The following ARHGAP24 variants were observed in gnomAD, a reference collection of about 807,000 sequenced individuals.
ARHGAP24 encodes the protein Rho GTPase activating protein 24.
Under a neutral mutation model 76.4 loss-of-function variants are expected in ARHGAP24, and 50 were observed. The ratio of observed to expected loss-of-function variants is 0.65; its 90% CI spans 0.52 to 0.83. ARHGAP24 has a LOEUF of 0.83. Ranked by LOEUF, ARHGAP24 falls within the 40% of genes least tolerant of loss-of-function variation. The probability of loss-of-function intolerance (pLI) is 0.00; values close to 1 mark genes in which losing one functional copy is unlikely to be tolerated. For missense variants in ARHGAP24, 930 were observed against 914.2 expected, an observed-to-expected ratio of 1.02 and a Z score of -0.22; for synonymous variants, 345 against 323.3, an observed-to-expected ratio of 1.07 and a Z score of -0.72.
chr4:85,911,631 G>C lies in ARHGAP24; in HGVS notation c.269-12017G>C, dbSNP rs986713858. On this transcript the variant is annotated intron_variant, in intron 3 of 9. Coordinates refer to ENST00000395184, the MANE Select transcript of ARHGAP24 (RefSeq NM_001025616.3). ...GGACAGTCACCATTTTTTAAGGTTT[G>C]GGAAGTCATTGAAGACTATTTTGAG... is the stretch of plus-strand genomic sequence containing the variant. 1.2e-4 allele frequency among the ~76,000 whole-genome samples: 19 copies of C among 152,104 alleles called. 1 individual carries two copies. The highest frequency in any genetic ancestry group is 2.6e-4 in the Admixed American group (4 of 15,272).
Position 85,894,617 on chromosome 4 carries a change from C to G in ARHGAP24, c.269-29031C>G, listed in dbSNP as rs1734037939. On this transcript the variant is annotated intron_variant, in intron 3 of 9. Coordinates refer to ENST00000395184, the MANE Select transcript of ARHGAP24 (RefSeq NM_001025616.3). ...GCTAATGAGCAAACCCCACATTATT[C>G]ATTAAAGTATTTAGCAGGATGAGGA... 2.0e-5 allele frequency among the ~76,000 whole-genome samples: 3 copies of G among 152,076 alleles called. No homozygotes were observed. The South Asian group carries it at 6.2e-4, about 32-fold the overall frequency.
intron 1 of ARHGAP24, among the ~76,000 whole-genome samples, chr4:85,568,843 A>T (rs1733349461): frequency 6.6e-6 from 1 of 152,226 alleles, no homozygotes; most frequent in Admixed American, 6.5e-5. Context: ...AAGTAGTTTA[A>T]GAGGTGAAGA....
intron 5 of ARHGAP24, among the ~76,000 whole-genome samples, chr4:85,967,589 T>C (rs1738698457): frequency 6.6e-6 from 1 of 152,154 alleles, no homozygotes; most frequent in Non-Finnish European, 1.5e-5. Context: ...AAGGGACATA[T>C]GCTACAAAGC....
intron 3 of ARHGAP24, among the ~76,000 whole-genome samples, chr4:85,899,333 C>A (rs1402374700): frequency 6.6e-6 from 1 of 152,192 alleles, no homozygotes; most frequent in African/African-American, 2.4e-5. Flanking sequence ...CCCTTGCAGA[C>A]AAGGTCAGTT....
chr4:85,743,392 C>CAAAAAAAA lies in ARHGAP24; in HGVS notation c.268+21454_268+21461dup, dbSNP rs774717006. On this transcript the variant is annotated intron_variant, in intron 3 of 9. Transcript: ENST00000395184. ...AAGACGCCAAGGCGGGATCCCATCT[C>CAAAAAAAA]AAAAAAAAAAAAAAAAAAAAAAAAA... Among the ~76,000 whole-genome samples the CAAAAAAAA allele has an allele frequency of 9.2e-5, 4 of 43,380 alleles. 1 individual carries two copies. The highest frequency in any genetic ancestry group is 4.0e-4 in the Admixed American group (1 of 2,478). 28.5% of individuals were successfully genotyped at this position (43,380 alleles called of 152,430 possible).
intron 3 of ARHGAP24, among the ~76,000 whole-genome samples, chr4:85,813,818 T>TTATATATATATATATATATATA (rs35261368): frequency 4.5e-4 from 62 of 137,128 alleles, no homozygotes; most frequent in African/African-American, 1.6e-3. Flanking sequence ...TATATTTATT[T>TTATATATATATATATATATATA]TATATATATA....
chr4:85,651,633 GT>G (rs1721947918), intron 2 of ARHGAP24, among the ~76,000 whole-genome samples: 1 of 148,430 alleles, frequency 6.7e-6, no homozygotes, highest in South Asian at 2.1e-4. Context: ...CTCACTTTTA[GT>G]CTTTACCCAA....
At chr4:85,789,165 T>A (rs73833879) in intron 3 of ARHGAP24, among the ~76,000 whole-genome samples, 3,097 of 150,634 alleles carry the variant, frequency 0.021, 109 homozygotes, top group African/African-American at 0.071. Context: ...AAGTCTGAGT[T>A]AATTACCCTT....
intron 3 of ARHGAP24, among the ~76,000 whole-genome samples, chr4:85,846,040 G>A (rs1730866070): frequency 1.3e-5 from 2 of 151,798 alleles, no homozygotes; most frequent in Non-Finnish European, 2.9e-5. Context: ...CAAGTAGCTG[G>A]GATTACAGGC....
rs116883083 is a variant in ARHGAP24 at position 85,653,098 on chromosome 4, A to G, written c.181-68787A>G. 6.0e-4 allele frequency among the ~76,000 whole-genome samples: 92 copies of G among 152,342 alleles called. 2 individuals carry two copies. In the East Asian group the frequency reaches 0.017, roughly 29 times the overall value. On this transcript the variant is annotated intron_variant, in intron 2 of 9. Transcript: ENST00000395184. ...ATTGATGAACCTAGACTTTCAAGAC[A>G]TGGCTAAATTATGTCCAAAACAAGG...
intron 1 of ARHGAP24, among the ~76,000 whole-genome samples, chr4:85,512,578 A>G (rs1172826819): frequency 6.6e-6 from 1 of 152,170 alleles, no homozygotes; most frequent in Non-Finnish European, 1.5e-5. Context: ...TACTGAATCG[A>G]CCAGGTCTTT....
chr4:85,593,902 G>C (rs544302635), intron 2 of ARHGAP24, among the ~76,000 whole-genome samples: 2 of 152,142 alleles, frequency 1.3e-5, no homozygotes, highest in East Asian at 3.9e-4. Context: ...TTCCAGTTTT[G>C]TTCTTTGTGC....
intron 1 of ARHGAP24, among the ~76,000 whole-genome samples, chr4:85,523,396 C>T (rs1380613654): frequency 6.6e-6 from 1 of 152,026 alleles, no homozygotes; most frequent in Non-Finnish European, 1.5e-5. Context: ...TCCTCATTGC[C>T]GTCTATTGGT....
chr4:85,719,548 T>A (rs1724853224), intron 2 of ARHGAP24, among the ~76,000 whole-genome samples: 1 of 152,220 alleles, frequency 6.6e-6, no homozygotes, highest in African/African-American at 2.4e-5. Context: ...AATATTACTA[T>A]TTTTTGAGCT....
chr4:85,549,265 T>C (rs1224205880), intron 1 of ARHGAP24, among the ~76,000 whole-genome samples: 3 of 67,866 alleles, frequency 4.4e-5, no homozygotes, highest in Non-Finnish European at 1.3e-4. Context: ...ATTTACACTT[T>C]CACCAGCAAT....
At chr4:85,548,936 C>T (rs1236383566) in intron 1 of ARHGAP24, among the ~76,000 whole-genome samples, 1 of 152,066 alleles carries the variant, frequency 6.6e-6, no homozygotes, top group Non-Finnish European at 1.5e-5. Flanking sequence ...CTGTATCTGG[C>T]TTCTTTCACT....
intron 1 of ARHGAP24, among the ~76,000 whole-genome samples, chr4:85,482,824 A>C (rs1327873530): frequency 1.3e-5 from 2 of 152,080 alleles, no homozygotes; most frequent in East Asian, 3.9e-4. Context: ...AAAAACCAAA[A>C]CCTAGAGAGG....
chr4:85,589,779 C>T (rs998532582), intron 2 of ARHGAP24, among the ~76,000 whole-genome samples: 2 of 152,150 alleles, frequency 1.3e-5, no homozygotes, highest in African/African-American at 4.8e-5. Flanking sequence ...ATGTGCAGTA[C>T]ATACTAATCC....
At chr4:85,709,626 G>A (rs540461874) in intron 2 of ARHGAP24, among the ~76,000 whole-genome samples, 1 of 152,104 alleles carries the variant, frequency 6.6e-6, no homozygotes, top group South Asian at 2.1e-4. Context: ...ATGACCCCTT[G>A]TCAGCACACA....
Sources: gnomAD v4.1 joint callset for allele counts (sites outside exome capture counted in the v4.1 genomes callset) on GRCh38, gnomAD v4.1.1 for gene constraint, MANE v1.5 for transcripts, NCBI Gene and HGNC (gene_info 2026-07-23, HGNC 2026-07-21) for gene names.